Variants in SMAD3 observed in about 807,000 individuals in gnomAD.
SMAD3 encodes MAD homolog 3.
A neutral mutation model predicts 51.8 loss-of-function variants in SMAD3; 12 were observed. The ratio of observed to expected loss-of-function variants is 0.23; its 90% CI spans 0.15 to 0.38. SMAD3 has a LOEUF of 0.38. Among genes scored for constraint, SMAD3 ranks in the 10% least tolerant of loss-of-function variants. SMAD3 has a pLI of 1.00. For missense variants in SMAD3, 294 were observed against 565.6 expected, an observed-to-expected ratio of 0.52 and a Z score of 4.87; for synonymous variants, 238 against 227.7, an observed-to-expected ratio of 1.05 and a Z score of -0.41.
In SMAD3 at chr15:67,194,994, T is replaced by C. The variant is rs546862904; in HGVS notation, c.*4458T>C. ...TTCACTATTCGGCCAGCCTGACCTT[T>C]TAATAACTTTGTAAAAAGCATGTAT... On this transcript the variant is annotated 3_prime_UTR_variant, in exon 9 of 9. Coordinates refer to ENST00000327367, the MANE Select transcript of SMAD3 (RefSeq NM_005902.4). 9.4e-5 allele frequency: 22 copies of C among 233,744 alleles called. No individual in the cohort carries two copies. The South Asian group carries it at 4.0e-3, about 42-fold the overall frequency. The allele number at this position is 233,744 out of a possible 1,614,324, so 14.5% of individuals were successfully genotyped here.
intron 1 of SMAD3, among the ~76,000 whole-genome samples, chr15:67,134,518 T>C (rs1961605137): frequency 6.6e-6 from 1 of 152,142 alleles, no homozygotes; most frequent in Non-Finnish European, 1.5e-5. Flanking sequence ...TTCACAGTCC[T>C]TGCTTCAGTG....
At chr15:67,189,788 G>A (rs1963312592) in intron 8 of SMAD3, among the ~76,000 whole-genome samples, 1 of 152,092 alleles carries the variant, frequency 6.6e-6, no homozygotes, top group Non-Finnish European at 1.5e-5. Context: ...AAAGTGCTTT[G>A]GGGAAAAGAA....
chr15:67,076,278 A>T (rs1239516339), intron 1 of SMAD3, among the ~76,000 whole-genome samples: 1 of 152,190 alleles, frequency 6.6e-6, no homozygotes, highest in African/African-American at 2.4e-5. Context: ...ATTCTTAAAA[A>T]TTTGTTTGGT....
At chr15:67,130,874 G>T (rs921044999) in intron 1 of SMAD3, among the ~76,000 whole-genome samples, 2 of 151,874 alleles carry the variant, frequency 1.3e-5, no homozygotes, top group Non-Finnish European at 2.9e-5. Flanking sequence ...GACAGGGTTG[G>T]TGATAGCTAG....
At chr15:67,145,228 G>C (rs1330483089) in intron 1 of SMAD3, among the ~76,000 whole-genome samples, 1 of 152,192 alleles carries the variant, frequency 6.6e-6, no homozygotes, top group African/African-American at 2.4e-5. Flanking sequence ...TTATAGGTGA[G>C]GAAGCTGAGG....
intron 1 of SMAD3, among the ~76,000 whole-genome samples, chr15:67,146,536 T>C (rs947040772): frequency 6.6e-6 from 1 of 152,082 alleles, no homozygotes; most frequent in Non-Finnish European, 1.5e-5. Flanking sequence ...CAGTGCAGAC[T>C]TAGGAGAGGG....
intron 4 of SMAD3, among the ~76,000 whole-genome samples, chr15:67,167,391 G>T (rs548974528): frequency 6.6e-6 from 1 of 152,272 alleles, no homozygotes; most frequent in Non-Finnish European, 1.5e-5. Context: ...AGATGGGAGG[G>T]CCTGCCACAC....
At chr15:67,165,437 C>T in intron 3 of SMAD3, 53 bp downstream of exon 3, 1 of 1,603,884 alleles carries the variant, frequency 6.2e-7, no homozygotes, top group Non-Finnish European at 8.5e-7. Context: ...AGCGGTCAGC[C>T]CCGACATCAG....
chr15:67,139,389 G>C (rs945941534), intron 1 of SMAD3, among the ~76,000 whole-genome samples: 2 of 152,086 alleles, frequency 1.3e-5, no homozygotes, highest in Admixed American at 1.3e-4. Context: ...TTTTTATTAG[G>C]GGGAGGGGAG....
chr15:67,154,312 G>A (rs1962224954), intron 1 of SMAD3, among the ~76,000 whole-genome samples: 1 of 152,200 alleles, frequency 6.6e-6, no homozygotes, highest in South Asian at 2.1e-4. Context: ...AAGTTCAGAT[G>A]AAAATTGAGT....
intron 1 of SMAD3, among the ~76,000 whole-genome samples, chr15:67,162,771 C>T (rs958821080): frequency 7.2e-5 from 11 of 151,972 alleles, no homozygotes; most frequent in South Asian, 2.1e-4. Flanking sequence ...CCTTCTCCCG[C>T]ACCCCTTTGC....
At chr15:67,170,986 G>T (rs554108323) in intron 5 of SMAD3, among the ~76,000 whole-genome samples, 58 of 152,278 alleles carry the variant, frequency 3.8e-4, no homozygotes, top group Admixed American at 2.8e-3. Context: ...TTATAGACCT[G>T]TTTCAGATAT....
intron 1 of SMAD3, among the ~76,000 whole-genome samples, chr15:67,087,861 T>C (rs549264858): frequency 6.6e-6 from 1 of 152,348 alleles, no homozygotes; most frequent in Admixed American, 6.5e-5. Flanking sequence ...CCCTTTTTAC[T>C]TTACCTTTTA....
chr15:67,140,424 T>C (rs765826227), intron 1 of SMAD3, among the ~76,000 whole-genome samples: 28 of 152,206 alleles, frequency 1.8e-4, no homozygotes, highest in Non-Finnish European at 3.5e-4. Flanking sequence ...ATTCCACCGT[T>C]CTCTCTTTAC....
At chr15:67,084,114 C>T (rs1381658468) in intron 1 of SMAD3, among the ~76,000 whole-genome samples, 5 of 127,058 alleles carry the variant, frequency 3.9e-5, no homozygotes, top group Admixed American at 1.0e-4. Flanking sequence ...CTCGCTCTGT[C>T]GCCCAGGCTG....
Position 67,193,440 on chromosome 15 carries a change from C to G in SMAD3, c.*2904C>G. ...TTATTCCCTTTCCTCTCTCCCCTCCCCACCTCGCTTCTTCCCAATTTAGTA... is the reference window on the plus strand; with the variant it reads ...TTATTCCCTTTCCTCTCTCCCCTCCGCACCTCGCTTCTTCCCAATTTAGTA... On this transcript the variant is annotated 3_prime_UTR_variant, in exon 9 of 9. Transcript: ENST00000327367. The G allele has an allele frequency of 4.3e-6, 1 of 233,934 alleles. No individual in the cohort carries two copies. 14.5% of individuals were successfully genotyped at this position (233,934 alleles called of 1,614,324 possible).
At chr15:67,108,464 A>G (rs969245362) in intron 1 of SMAD3, among the ~76,000 whole-genome samples, 2 of 152,030 alleles carry the variant, frequency 1.3e-5, no homozygotes, top group Non-Finnish European at 2.9e-5. Context: ...ACTTCCTCCA[A>G]AACGTAGTCC....
intron 1 of SMAD3, among the ~76,000 whole-genome samples, chr15:67,086,873 T>TA (rs1960404650): frequency 6.7e-6 from 1 of 150,130 alleles, no homozygotes; most frequent in African/African-American, 2.4e-5. Context: ...CGGGTCCCAC[T>TA]ATCACATTGC....
chr15:67,141,595 C>G (rs1346476176), intron 1 of SMAD3, among the ~76,000 whole-genome samples: 2 of 152,204 alleles, frequency 1.3e-5, no homozygotes, highest in Non-Finnish European at 2.9e-5. Context: ...CTGGCAGTCC[C>G]TGAAGGCTGT....
Sources: gnomAD v4.1 joint callset for allele counts (sites outside exome capture counted in the v4.1 genomes callset) on GRCh38, gnomAD v4.1.1 for gene constraint, MANE v1.5 for transcripts, NCBI Gene and HGNC (gene_info 2026-07-23, HGNC 2026-07-21) for gene names.